The following CCDC192 variants were observed in gnomAD, a reference collection of about 807,000 sequenced individuals.
CCDC192 encodes the protein coiled-coil domain-containing protein 192.
intron 2 of CCDC192, among the ~76,000 whole-genome samples, chr5:127,750,943 C>CT (rs1245176692): frequency 6.7e-6 from 1 of 148,816 alleles, no homozygotes; most frequent in East Asian, 2.0e-4. Flanking sequence ...CAACCCCTGC[C>CT]TTTTTTTGTT....
At chr5:127,906,958 G>A (rs1753213900) in intron 6 of CCDC192, among the ~76,000 whole-genome samples, 1 of 152,162 alleles carries the variant, frequency 6.6e-6, no homozygotes, top group African/African-American at 2.4e-5. Flanking sequence ...TATCAGCAGT[G>A]CACCAGGATT....
At chr5:127,775,537 C>T (rs1755808088) in intron 3 of CCDC192, among the ~76,000 whole-genome samples, 1 of 152,196 alleles carries the variant, frequency 6.6e-6, no homozygotes, top group African/African-American at 2.4e-5. Flanking sequence ...AACTGAGTGA[C>T]AGACTACCTT....
intron 5 of CCDC192, among the ~76,000 whole-genome samples, chr5:127,833,893 C>T (rs1749916006): frequency 1.3e-5 from 2 of 152,006 alleles, no homozygotes; most frequent in Admixed American, 6.6e-5. Flanking sequence ...CAATGTTTAC[C>T]ATGCATCCAC....
intron 6 of CCDC192, among the ~76,000 whole-genome samples, chr5:127,887,778 A>G (rs1030410128): frequency 1.7e-4 from 26 of 149,310 alleles, no homozygotes; most frequent in Admixed American, 3.4e-4. Context: ...ATCTCGGCTC[A>G]CTGCAAGCTC....
At chr5:127,787,864 T>C (rs1756638054) in intron 3 of CCDC192, among the ~76,000 whole-genome samples, 1 of 152,136 alleles carries the variant, frequency 6.6e-6, no homozygotes, top group Non-Finnish European at 1.5e-5. Context: ...GGCAGATCAC[T>C]TGAGGTGAGG....
At chr5:127,764,752 C>G (rs1755124003) in intron 3 of CCDC192, among the ~76,000 whole-genome samples, 3 of 151,892 alleles carry the variant, frequency 2.0e-5, no homozygotes, top group Admixed American at 1.3e-4. Flanking sequence ...AAAAAAAATT[C>G]ACAAAAAACC....
intron 2 of CCDC192, among the ~76,000 whole-genome samples, chr5:127,729,329 T>C (rs1288573771): frequency 6.6e-6 from 1 of 152,220 alleles, no homozygotes; most frequent in Non-Finnish European, 1.5e-5. Flanking sequence ...TAAATATATA[T>C]GCACCCAATG....
chr5:127,795,150 C>T (rs1422889143), intron 3 of CCDC192, among the ~76,000 whole-genome samples: 1 of 151,868 alleles, frequency 6.6e-6, no homozygotes, highest in Non-Finnish European at 1.5e-5. Context: ...ATTAGCCAGG[C>T]GTGGTGGTGT....
chr5:127,794,116 A>G (rs1240436557), intron 3 of CCDC192, among the ~76,000 whole-genome samples: 1 of 152,202 alleles, frequency 6.6e-6, no homozygotes, highest in East Asian at 1.9e-4. Context: ...AATTCTGTGC[A>G]GTGTGAGTAA....
At chr5:127,735,748 A>C (rs1297802993) in intron 2 of CCDC192, among the ~76,000 whole-genome samples, 1 of 127,810 alleles carries the variant, frequency 7.8e-6, no homozygotes, top group Admixed American at 8.3e-5. Context: ...TTGGTGTATA[A>C]GAATGCTTGT....
intron 6 of CCDC192, among the ~76,000 whole-genome samples, chr5:127,918,561 A>G (rs894628771): frequency 6.6e-6 from 1 of 152,204 alleles, no homozygotes; most frequent in Non-Finnish European, 1.5e-5. Flanking sequence ...AAAAAGCCCC[A>G]AAATGAAGGA....
intron 6 of CCDC192, among the ~76,000 whole-genome samples, chr5:127,898,421 A>G (rs77294519): frequency 0.032 from 4,836 of 152,234 alleles, 127 homozygotes; most frequent in Non-Finnish European, 0.052. Flanking sequence ...AATGTCTGTT[A>G]ATAGAGGAGA....
chr5:127,902,539 C>T (rs1753066451), intron 6 of CCDC192, among the ~76,000 whole-genome samples: 1 of 152,152 alleles, frequency 6.6e-6, no homozygotes, highest in African/African-American at 2.4e-5. Context: ...TTTTCACATA[C>T]CTCCTATCTG....
chr5:127,850,955 G>A (rs906273482), intron 5 of CCDC192, among the ~76,000 whole-genome samples: 1 of 152,132 alleles, frequency 6.6e-6, no homozygotes, highest in Admixed American at 6.5e-5. Flanking sequence ...GACAGAGAGA[G>A]ACTCCATCTT....
chr5:127,772,408 G>C (rs913949904), intron 3 of CCDC192, among the ~76,000 whole-genome samples: 7 of 151,230 alleles, frequency 4.6e-5, no homozygotes, highest in Non-Finnish European at 4.4e-5. Flanking sequence ...CGGACGTTGA[G>C]GTGAGCCAAG....
At chr5:127,841,682 C>T (rs775096891) in intron 5 of CCDC192, among the ~76,000 whole-genome samples, 5 of 152,186 alleles carry the variant, frequency 3.3e-5, no homozygotes, top group Non-Finnish European at 4.4e-5. Flanking sequence ...AACATATACT[C>T]ACCCTTGACT....
In CCDC192 at chr5:127,926,042, A is replaced by G. The variant is rs540959617; in HGVS notation, c.536-15140A>G. On this transcript the variant is annotated intron_variant, in intron 6 of 6. Coordinates refer to ENST00000514853, the MANE Select transcript of CCDC192 (RefSeq NM_001317938.2). Reference sequence around the variant, plus strand: ...GGAAGATTTATAGACAAAAAAAGGGAAATGGGGCGTGCAGAAATTTGAAGT... The same window carrying G: ...GGAAGATTTATAGACAAAAAAAGGGGAATGGGGCGTGCAGAAATTTGAAGT... Among the ~76,000 whole-genome samples the G allele has an allele frequency of 3.9e-5, 6 of 152,274 alleles. No individual in the cohort carries two copies. The East Asian group carries it at 1.2e-3, about 29-fold the overall frequency.
intron 2 of CCDC192, among the ~76,000 whole-genome samples, chr5:127,714,751 A>G (rs1393082739): frequency 6.6e-6 from 1 of 152,090 alleles, no homozygotes; most frequent in East Asian, 1.9e-4. Context: ...CACCAACAAT[A>G]TATAAGGATC....
intron 3 of CCDC192, among the ~76,000 whole-genome samples, chr5:127,781,340 A>G (rs981371894): frequency 6.6e-6 from 1 of 152,148 alleles, no homozygotes; most frequent in Non-Finnish European, 1.5e-5. Context: ...CATGAACTTT[A>G]GAATTGTTTT....
Sources: gnomAD v4.1 joint callset for allele counts (sites outside exome capture counted in the v4.1 genomes callset) on GRCh38, gnomAD v4.1.1 for gene constraint, MANE v1.5 for transcripts, NCBI Gene and HGNC (gene_info 2026-07-23, HGNC 2026-07-21) for gene names.